The following SLC39A12 variants were observed in gnomAD, a reference collection of about 807,000 sequenced individuals.
The protein encoded by SLC39A12 is solute carrier family 39 member 12, also known as zinc transporter ZIP12.
In SLC39A12, 63 loss-of-function variants were observed where a neutral mutation model predicts 71.1. That is an observed-to-expected ratio of 0.89 (90% CI 0.72 to 1.09). The LOEUF is 1.09. SLC39A12 is among the 50% of genes least tolerant of loss of function. The pLI is 0.00. For missense variants in SLC39A12, 892 were observed against 812.6 expected (o/e 1.10, Z -1.19); for synonymous variants, 351 against 301.3 (o/e 1.16, Z -1.71).
At chr10:18,023,882 G>T (rs1164737736) in intron 12 of SLC39A12, among the ~76,000 whole-genome samples, 1 of 152,164 alleles carries the variant, frequency 6.6e-6, no homozygotes, top group African/African-American at 2.4e-5. Context: ...GCACTGCTCA[G>T]TGAGGAGTAG....
chr10:17,984,392 C>T (rs1160471694), intron 6 of SLC39A12, among the ~76,000 whole-genome samples: 1 of 152,204 alleles, frequency 6.6e-6, no homozygotes, highest in African/African-American at 2.4e-5. Flanking sequence ...TCAACTTTGC[C>T]TTTTGCCTGG....
intron 2 of SLC39A12, among the ~76,000 whole-genome samples, chr10:17,954,462 G>T (rs1316591344): frequency 6.6e-6 from 1 of 151,992 alleles, no homozygotes; most frequent in Non-Finnish European, 1.5e-5. Flanking sequence ...CACCATGTTG[G>T]CCAGGCTGGT....
chr10:17,989,506 C>G (rs185138741), intron 7 of SLC39A12, among the ~76,000 whole-genome samples: 1 of 152,210 alleles, frequency 6.6e-6, no homozygotes, highest in Non-Finnish European at 1.5e-5. Flanking sequence ...GAGTCTCCCC[C>G]AGTGAGGGAG....
At chr10:17,977,752 TG>T in intron 4 of SLC39A12, 149 bp from the exon 5 acceptor site, 5 of 543,724 alleles carry the variant, frequency 9.2e-6, no homozygotes, top group East Asian at 3.1e-5. Context: ...GGCATTTTCG[TG>T]GGTGGAAATG....
At chr10:18,008,074 T>A (rs1836083460) in intron 12 of SLC39A12, among the ~76,000 whole-genome samples, 1 of 152,196 alleles carries the variant, frequency 6.6e-6, no homozygotes, top group Non-Finnish European at 1.5e-5. Flanking sequence ...GAGCCCCAAA[T>A]GAGCAAGTGG....
Position 17,955,925 on chromosome 10 carries a change from A to G in SLC39A12, c.261+2388A>G, listed in dbSNP as rs1834534330. Among the ~76,000 whole-genome samples the G allele has an allele frequency of 2.0e-5, 3 of 152,152 alleles. No individual in the cohort carries two copies. The South Asian group carries it at 6.2e-4, about 32-fold the overall frequency. ...ACATTCTACTTCAATAATTATGAGAACCATAACCCTACACATGTTTCTGAA... is the reference window on the plus strand; with the variant it reads ...ACATTCTACTTCAATAATTATGAGAGCCATAACCCTACACATGTTTCTGAA... On this transcript the variant is annotated intron_variant, in intron 2 of 12. Coordinates refer to ENST00000377369, the MANE Select transcript of SLC39A12 (RefSeq NM_001145195.2).
chr10:17,969,697 G>A (rs893337698), intron 4 of SLC39A12, among the ~76,000 whole-genome samples: 8 of 152,056 alleles, frequency 5.3e-5, no homozygotes, highest in African/African-American at 1.9e-4. Flanking sequence ...ATTAATTCCT[G>A]GTGAGATGAG....
chr10:18,008,332 C>T (rs542442605), intron 12 of SLC39A12, among the ~76,000 whole-genome samples: 8 of 152,200 alleles, frequency 5.3e-5, no homozygotes, highest in Admixed American at 1.3e-4. Context: ...GTTGCACACT[C>T]CTTATGAGAA....
chr10:17,964,115 A>G (rs1342664169), intron 3 of SLC39A12, among the ~76,000 whole-genome samples: 1 of 152,186 alleles, frequency 6.6e-6, no homozygotes, highest in Non-Finnish European at 1.5e-5. Context: ...AAAGGACTTC[A>G]GGGATGGGAA....
At chr10:17,999,982 G>T (rs1589239757) in intron 10 of SLC39A12, among the ~76,000 whole-genome samples, 1 of 152,258 alleles carries the variant, frequency 6.6e-6, no homozygotes, top group African/African-American at 2.4e-5. Context: ...ATTCCACTGG[G>T]AAGTTTGTCT....
At chr10:17,997,113 C>A (rs1268212523) in intron 10 of SLC39A12, among the ~76,000 whole-genome samples, 1 of 151,748 alleles carries the variant, frequency 6.6e-6, no homozygotes, top group African/African-American at 2.4e-5. Flanking sequence ...ATTCATGCAT[C>A]AATGCATTCT....
intron 1 of SLC39A12, among the ~76,000 whole-genome samples, 174 bp downstream of exon 1, chr10:17,952,199 G>C (rs2130762225): frequency 6.6e-6 from 1 of 152,290 alleles, no homozygotes; most frequent in Middle Eastern, 3.4e-3. Flanking sequence ...GACATGAGAT[G>C]CTGTTAACAT....
rs1319675306 is a variant in SLC39A12 at position 18,036,788 on chromosome 10, A to ATTTTTTTT, written c.1948-5916_1948-5915insTTTTTTTT. ...TATATATATATATATATATATATAT[A>ATTTTTTTT]TATATATTTTTTTTTTTAATGGAAT... On this transcript the variant is annotated intron_variant, in intron 12 of 12. Coordinates refer to ENST00000377369, the MANE Select transcript of SLC39A12 (RefSeq NM_001145195.2). Among the ~76,000 whole-genome samples, 61 of 17,000 alleles carry ATTTTTTTT rather than the reference A, an allele frequency of 3.6e-3. 1 individual carries two copies. Among genetic ancestry groups the ATTTTTTTT allele is most frequent in the African/African-American group, 9.8e-3 (55 of 5,634 alleles). 11.2% of individuals were successfully genotyped at this position (17,000 alleles called of 152,430 possible). A position where few individuals can be genotyped will look rare whatever the true frequency, so the allele number is the denominator to read the frequency against.
chr10:17,991,063 C>A (rs1835531116), intron 7 of SLC39A12, 88 bp from the exon 8 acceptor site: 2 of 1,233,706 alleles, frequency 1.6e-6, no homozygotes, highest in Non-Finnish European at 2.2e-6. Context: ...TAAATATATT[C>A]AACACTGGGC....
rs758095854 is a variant in SLC39A12, at chr10:17,977,962, T to C, written c.812T>C (p.Ile271Thr). 2 of 1,611,568 alleles carry C rather than the reference T, an allele frequency of 1.2e-6. No individual in the cohort carries two copies. The highest frequency in any genetic ancestry group is 2.2e-5 in the South Asian group (2 of 90,640). Residue 271 changes from isoleucine (I) to threonine (T), a missense_variant, in exon 5 of 13, where the codon ATC becomes ACC. Transcript: ENST00000377369. ...AGTACTTGTATCAAAAATGAGAAAA[T>C]CCATCAATTTCAAAGGAAACAAAAC... ...TRSTCIKNEKIHQFQRKQNNI... is the reference protein window; with the variant it reads ...TRSTCIKNEKTHQFQRKQNNI...
intron 4 of SLC39A12, 138 bp from the exon 5 acceptor site, chr10:17,977,764 T>C: frequency 1.7e-6 from 1 of 603,180 alleles, no homozygotes; most frequent in Non-Finnish European, 2.6e-6. Context: ...GGTGGAAATG[T>C]CCATTCTGTC....
chr10:18,026,835 G>C (rs976145173), intron 12 of SLC39A12, among the ~76,000 whole-genome samples: 3 of 151,950 alleles, frequency 2.0e-5, no homozygotes, highest in Non-Finnish European at 2.9e-5. Flanking sequence ...CTTCATTTCT[G>C]TGACAGTGTT....
At chr10:18,008,937 T>C (rs536132064) in intron 12 of SLC39A12, among the ~76,000 whole-genome samples, 1 of 152,284 alleles carries the variant, frequency 6.6e-6, no homozygotes, top group Admixed American at 6.5e-5. Flanking sequence ...ATCCAGCTTC[T>C]CTAAAGTTTA....
intron 6 of SLC39A12, 136 bp from the exon 7 acceptor site, chr10:17,987,343 A>G: frequency 1.3e-6 from 1 of 746,418 alleles, no homozygotes; most frequent in African/African-American, 1.8e-5. Flanking sequence ...TCAAAATAAA[A>G]ACAAAACACT....
Sources: gnomAD v4.1 joint callset for allele counts (sites outside exome capture counted in the v4.1 genomes callset) on GRCh38, gnomAD v4.1.1 for gene constraint, MANE v1.5 for transcripts, NCBI Gene and HGNC (gene_info 2026-07-23, HGNC 2026-07-21) for gene names.